Variants in INPP4B observed in about 807,000 individuals in gnomAD.
The protein encoded by INPP4B is inositol polyphosphate-4-phosphatase type II B, also known as inositol polyphosphate 4-phosphatase type II.
A neutral mutation model predicts 122.5 loss-of-function variants in INPP4B; 55 were observed. The observed-to-expected ratio is 0.45, with a 90% CI of 0.36 to 0.56. INPP4B has a LOEUF of 0.56. INPP4B is among the 20% of genes least tolerant of loss of function. The pLI is 0.00. For missense variants in INPP4B, 1,000 were observed against 1,097.7 expected, an observed-to-expected ratio of 0.91 and a Z score of 1.26; for synonymous variants, 403 against 388.7, an observed-to-expected ratio of 1.04 and a Z score of -0.43.
intron 1 of INPP4B, among the ~76,000 whole-genome samples, chr4:142,770,472 C>T (rs1322601120): frequency 6.6e-6 from 1 of 151,926 alleles, no homozygotes; most frequent in Non-Finnish European, 1.5e-5. Flanking sequence ...GTTTTCCTGC[C>T]TAATAAACTG....
intron 25 of INPP4B, among the ~76,000 whole-genome samples, chr4:142,033,931 T>G (rs1367408682): frequency 1.3e-5 from 2 of 152,094 alleles, no homozygotes; most frequent in East Asian, 3.9e-4. Context: ...CCTCCCATAG[T>G]GCTGGGATTA....
intron 25 of INPP4B, among the ~76,000 whole-genome samples, chr4:142,031,148 T>C (rs1275954682): frequency 6.6e-6 from 1 of 152,226 alleles, no homozygotes; most frequent in Non-Finnish European, 1.5e-5. Context: ...CATATTGATA[T>C]AAATTGAAAA....
rs146711699 is a variant in INPP4B at position 142,371,045 on chromosome 4, T to C, written c.372+31893A>G. ...CTGACTTCAAAATATACTACAAAGT[T>C]ATAGCAACCAAAACAGCATGGTATT... On this transcript the variant is annotated intron_variant, in intron 7 of 25. Transcript: ENST00000262992. Among the ~76,000 whole-genome samples, 1,120 of 152,180 alleles carry C rather than the reference T, an allele frequency of 7.4e-3. 12 individuals are homozygous for C. Among genetic ancestry groups the C allele is most frequent in the African/African-American group, 0.026 (1,069 of 41,528 alleles).
intron 12 of INPP4B, among the ~76,000 whole-genome samples, chr4:142,234,210 T>A (rs2149898961): frequency 6.6e-6 from 1 of 152,344 alleles, no homozygotes; most frequent in South Asian, 2.1e-4. Context: ...CCTGCACATC[T>A]AACATCTTTT....
At chr4:142,498,152 T>A (rs1822869473) in intron 2 of INPP4B, among the ~76,000 whole-genome samples, 1 of 149,124 alleles carries the variant, frequency 6.7e-6, no homozygotes, top group Admixed American at 6.7e-5. Flanking sequence ...CATACATATG[T>A]GTATACATAT....
chr4:142,408,340 A>C (rs1273668152), intron 5 of INPP4B, among the ~76,000 whole-genome samples: 1 of 152,100 alleles, frequency 6.6e-6, no homozygotes, highest in African/African-American at 2.4e-5. Context: ...ATGACCTGAC[A>C]TCAGGAATTC....
At chr4:142,242,154 T>G (rs904805164) in intron 11 of INPP4B, among the ~76,000 whole-genome samples, 6 of 152,204 alleles carry the variant, frequency 3.9e-5, no homozygotes, top group Non-Finnish European at 8.8e-5. Flanking sequence ...ACATCCTCAT[T>G]TGTATTTGAA....
At chr4:142,450,476 C>G (rs1456553232) in intron 3 of INPP4B, among the ~76,000 whole-genome samples, 1 of 152,164 alleles carries the variant, frequency 6.6e-6, no homozygotes, top group Non-Finnish European at 1.5e-5. Context: ...ATACCATTGA[C>G]TAGAACATCA....
At chr4:142,265,259 T>C (rs1213262373) in intron 10 of INPP4B, among the ~76,000 whole-genome samples, 1 of 152,224 alleles carries the variant, frequency 6.6e-6, no homozygotes, top group Admixed American at 6.5e-5. Flanking sequence ...CTACATTAGA[T>C]AACATGTGTC....
At chr4:142,073,587 T>C (rs1374929244) in intron 25 of INPP4B, among the ~76,000 whole-genome samples, 1 of 152,072 alleles carries the variant, frequency 6.6e-6, no homozygotes, top group African/African-American at 2.4e-5. Context: ...GACAGTATAA[T>C]GATAATTCAC....
At chr4:142,535,728 G>A (rs1345881986) in intron 2 of INPP4B, among the ~76,000 whole-genome samples, 1 of 151,184 alleles carries the variant, frequency 6.6e-6, no homozygotes, top group African/African-American at 2.4e-5. Flanking sequence ...TAATATGTGT[G>A]TGCATATTTC....
At chr4:142,398,425 T>C (rs1457432079) in intron 7 of INPP4B, among the ~76,000 whole-genome samples, 3 of 102,786 alleles carry the variant, frequency 2.9e-5, no homozygotes, top group African/African-American at 1.2e-4. Context: ...TATATATATA[T>C]ATATATATAT....
At chr4:142,619,620 T>C (rs1056101479) in intron 2 of INPP4B, among the ~76,000 whole-genome samples, 1 of 151,700 alleles carries the variant, frequency 6.6e-6, no homozygotes, top group Non-Finnish European at 1.5e-5. Context: ...GAAAGGGAAA[T>C]AGGGAATTGC....
At chr4:142,523,595 C>T (rs1826393288) in intron 2 of INPP4B, among the ~76,000 whole-genome samples, 1 of 152,076 alleles carries the variant, frequency 6.6e-6, no homozygotes, top group Non-Finnish European at 1.5e-5. Context: ...CCCACAATGT[C>T]CCTCCTGCAT....
chr4:142,545,929 CA>C (rs1829594652), intron 2 of INPP4B, among the ~76,000 whole-genome samples: 1 of 151,480 alleles, frequency 6.6e-6, no homozygotes, highest in Non-Finnish European at 1.5e-5. Flanking sequence ...CTTTTTTATA[CA>C]TTTTTTTAAT....
chr4:142,821,838 C>A (rs941950521), intron 1 of INPP4B, among the ~76,000 whole-genome samples: 1 of 152,078 alleles, frequency 6.6e-6, no homozygotes, highest in African/African-American at 2.4e-5. Flanking sequence ...AGACACACAC[C>A]AAAAGGAGTC....
chr4:142,582,305 T>C (rs756002796), intron 2 of INPP4B, among the ~76,000 whole-genome samples: 4 of 152,134 alleles, frequency 2.6e-5, no homozygotes, highest in Non-Finnish European at 4.4e-5. Flanking sequence ...ATTTGTATCC[T>C]ACATTTATTA....
chr4:142,084,365 C>T (rs771554917), intron 24 of INPP4B, among the ~76,000 whole-genome samples: 5 of 152,056 alleles, frequency 3.3e-5, no homozygotes, highest in South Asian at 2.1e-4. Flanking sequence ...GTGATCCGCC[C>T]GCCTCGGCCC....
At chr4:142,166,127 C>G (rs1228539871) in intron 16 of INPP4B, among the ~76,000 whole-genome samples, 1 of 151,624 alleles carries the variant, frequency 6.6e-6, no homozygotes. Flanking sequence ...TTAACATATG[C>G]ATATTTTATA....
Sources: gnomAD v4.1 joint callset for allele counts (sites outside exome capture counted in the v4.1 genomes callset) on GRCh38, gnomAD v4.1.1 for gene constraint, MANE v1.5 for transcripts, NCBI Gene and HGNC (gene_info 2026-07-23, HGNC 2026-07-21) for gene names.